HECW2: variants seen among roughly 807,000 people sequenced by gnomAD.
HECW2 encodes HECT, C2 and WW domain containing E3 ubiquitin protein ligase 2.
Under a neutral mutation model 175.2 loss-of-function variants are expected in HECW2, and 61 were observed. The observed-to-expected ratio is 0.35, with a 90% CI of 0.28 to 0.43. The LOEUF is 0.43. Among genes scored for constraint, HECW2 ranks in the 20% least tolerant of loss-of-function variants. The pLI, the probability that HECW2 is intolerant of heterozygous loss-of-function variation, is 1.00. For missense variants in HECW2, 1,524 were observed against 2,000.5 expected (o/e 0.76, Z 4.54); for synonymous variants, 671 against 731.0 (o/e 0.92, Z 1.32).
At chr2:196,473,560 G>A (rs1034625346) in intron 1 of HECW2, among the ~76,000 whole-genome samples, 1 of 152,122 alleles carries the variant, frequency 6.6e-6, no homozygotes, top group Non-Finnish European at 1.5e-5. Flanking sequence ...AGGAGGACTG[G>A]ATTTTTTTTA....
At chr2:196,442,656 T>A (rs1451955152) in intron 1 of HECW2, among the ~76,000 whole-genome samples, 1 of 152,212 alleles carries the variant, frequency 6.6e-6, no homozygotes. Flanking sequence ...GGGAATTTGT[T>A]CATGCTATAA....
At chr2:196,474,927 A>T (rs1686508477) in intron 1 of HECW2, among the ~76,000 whole-genome samples, 1 of 152,196 alleles carries the variant, frequency 6.6e-6, no homozygotes, top group Admixed American at 6.5e-5. Context: ...AAGACATGCT[A>T]TGTATCATCA....
At chr2:196,500,325 A>G (rs915251755) in intron 1 of HECW2, among the ~76,000 whole-genome samples, 2 of 152,210 alleles carry the variant, frequency 1.3e-5, no homozygotes, top group African/African-American at 4.8e-5. Flanking sequence ...ACATCCAGAC[A>G]CTGTAAGCAT....
chr2:196,265,669 G>A (rs897892117), intron 17 of HECW2, among the ~76,000 whole-genome samples: 3 of 152,000 alleles, frequency 2.0e-5, no homozygotes, highest in African/African-American at 7.3e-5. Context: ...GAAGTGAAGG[G>A]CACACTACTA....
intron 8 of HECW2, 98 bp downstream of exon 8, chr2:196,320,241 A>G (rs573383968): frequency 2.7e-6 from 2 of 739,436 alleles, no homozygotes; most frequent in Non-Finnish European, 4.5e-6. Context: ...AAAACAGAAC[A>G]TGAATTCAAT....
intron 1 of HECW2, among the ~76,000 whole-genome samples, chr2:196,455,312 G>A (rs534400365): frequency 3.3e-5 from 5 of 152,302 alleles, no homozygotes; most frequent in African/African-American, 7.2e-5. Flanking sequence ...GATTACAGGC[G>A]TAGGCCACAA....
intron 1 of HECW2, among the ~76,000 whole-genome samples, chr2:196,537,971 T>C (rs1288686157): frequency 2.0e-5 from 3 of 152,160 alleles, no homozygotes; most frequent in East Asian, 3.8e-4. Flanking sequence ...CTTAATAAAT[T>C]TGCTTTTACT....
At position 196,319,696 on chromosome 2, in the gene HECW2, T is replaced by A. The variant is rs1362963972; in HGVS notation, c.1194A>T (p.Glu398Asp). Reference protein sequence around the residue: ...TSSTLEIDTEELTSTSSRTSP... With the variant: ...TSSTLEIDTEDLTSTSSRTSP... Reference sequence around the variant, plus strand: ...AGGTCCTTGAAGACGTAGAGGTTAATTCCTCTGTGTCTATTTCCAGAGTGG... The same window carrying A: ...AGGTCCTTGAAGACGTAGAGGTTAAATCCTCTGTGTCTATTTCCAGAGTGG... Residue 398 changes from glutamate (E) to aspartate (D), a missense_variant, in exon 9 of 29, where the codon GAA (glutamate) becomes GAT (aspartate). Physicochemically the swap from Glu to Asp is conservative, Grantham distance 45 (BLOSUM62 2). This residue lies in a region of HECW2 where 604 missense variants were observed against 588.3 expected (regional missense o/e 1.03). Coordinates refer to ENST00000644978, the MANE Select transcript of HECW2 (RefSeq NM_001348768.2). 1.2e-6 allele frequency: 2 copies of A among 1,614,102 alleles called. No homozygotes were observed. Among genetic ancestry groups the A allele is most frequent in the Non-Finnish European group, 1.7e-6 (2 of 1,180,026 alleles).
chr2:196,334,020 C>A (rs544515556), intron 4 of HECW2, among the ~76,000 whole-genome samples: 2 of 152,194 alleles, frequency 1.3e-5, no homozygotes, highest in African/African-American at 4.8e-5. Context: ...GACTCCCTTC[C>A]GAGCAACGGC....
intron 19 of HECW2, among the ~76,000 whole-genome samples, chr2:196,243,603 G>A (rs929646405): frequency 2.6e-5 from 4 of 151,264 alleles, no homozygotes; most frequent in African/African-American, 9.7e-5. Context: ...TTTTTGACAC[G>A]GAGTTTTGCT....
At chr2:196,374,455 T>C (rs1042914893) in intron 2 of HECW2, among the ~76,000 whole-genome samples, 13 of 152,214 alleles carry the variant, frequency 8.5e-5, no homozygotes, top group Non-Finnish European at 1.2e-4. Flanking sequence ...GAACTTGCAT[T>C]ACCTTACTAA....
intron 2 of HECW2, among the ~76,000 whole-genome samples, chr2:196,364,648 T>G (rs887304605): frequency 3.9e-5 from 6 of 152,194 alleles, no homozygotes; most frequent in African/African-American, 1.4e-4. Context: ...TTACTTACTA[T>G]GATATCATAT....
chr2:196,494,048 G>A (rs1284089432), intron 1 of HECW2, among the ~76,000 whole-genome samples: 1 of 152,224 alleles, frequency 6.6e-6, no homozygotes, highest in Non-Finnish European at 1.5e-5. Context: ...AGACGTCATG[G>A]CTTTGAGTTC....
At position 196,278,561 on chromosome 2, in the gene HECW2, G is replaced by T; in HGVS notation, c.3102C>A (p.His1034Gln). Residue 1034 changes from histidine to glutamine, a missense_variant, in exon 15 of 29, where the codon CAC (histidine) becomes CAA (glutamine). Coordinates refer to ENST00000644978, the MANE Select transcript of HECW2 (RefSeq NM_001348768.2). The part of the protein sequence containing the change: ...RPTSALVHRQ[H>Q]LTRQRSHSAG... ...CACTGTGGCTGCGTTGCCTTGTCAG[G>T]TGTTGCCGATGAACCAGCGCACTTG... 6.2e-7 allele frequency: 1 copy of T among 1,614,158 alleles called. No individual in the cohort carries two copies. Among genetic ancestry groups the T allele is most frequent in the Non-Finnish European group, 8.5e-7 (1 of 1,180,018 alleles).
In HECW2 at chr2:196,222,793, CATG is replaced by C. The variant is rs1320231346; in HGVS notation, c.4017-456_4017-454del. ...ATTTTAACTTTTTTTAATTGAAAGA[CATG>C]ATTTTTATTTTAATATTTATTTTAT... On this transcript the variant is annotated intron_variant, in intron 23 of 28. Transcript: ENST00000644978. Among the ~76,000 whole-genome samples the C allele has an allele frequency of 5.3e-4, 81 of 151,992 alleles. 1 individual carries two copies. The highest frequency in any genetic ancestry group is 4.4e-5 in the Non-Finnish European group (3 of 67,944).
At chr2:196,317,898 T>A (rs915516857) in intron 9 of HECW2, among the ~76,000 whole-genome samples, 1 of 152,218 alleles carries the variant, frequency 6.6e-6, no homozygotes. Context: ...AAATTTCAGG[T>A]GTAAATTTGT....
intron 21 of HECW2, among the ~76,000 whole-genome samples, chr2:196,235,698 C>T (rs1313740048): frequency 6.9e-6 from 1 of 144,258 alleles, no homozygotes; most frequent in Non-Finnish European, 1.5e-5. Context: ...CTCTGTCGCC[C>T]TGGCTGGAGT....
At chr2:196,214,295 C>G (rs1412784043) in intron 28 of HECW2, among the ~76,000 whole-genome samples, 1 of 152,080 alleles carries the variant, frequency 6.6e-6, no homozygotes, top group Non-Finnish European at 1.5e-5. Flanking sequence ...TTGTCTCTAC[C>G]CATCAGGTTT....
chr2:196,479,128 T>C (rs1047582832), intron 1 of HECW2, among the ~76,000 whole-genome samples: 2 of 152,172 alleles, frequency 1.3e-5, no homozygotes, highest in African/African-American at 4.8e-5. Flanking sequence ...TGCGAGCACA[T>C]ACAAGTTGAT....
Sources: allele counts gnomAD v4.1 joint callset (sites outside exome capture counted in the v4.1 genomes callset), GRCh38; gene constraint gnomAD v4.1.1; regional missense constraint gnomAD v4.1.1; transcripts MANE v1.5; gene names NCBI Gene and HGNC (gene_info 2026-07-23, HGNC 2026-07-21).